PPM1H: variants seen among roughly 807,000 people sequenced by gnomAD.
PPM1H encodes the protein protein phosphatase, Mg2+/Mn2+ dependent 1H.
In PPM1H, 27 loss-of-function variants were observed where a neutral mutation model predicts 54.9. The ratio of observed to expected loss-of-function variants is 0.49; its 90% CI spans 0.36 to 0.68. PPM1H has a LOEUF of 0.68. Among genes scored for constraint, PPM1H ranks in the 30% least tolerant of loss-of-function variants. PPM1H has a pLI of 0.00. For missense variants in PPM1H, 596 were observed against 667.8 expected, an observed-to-expected ratio of 0.89 and a Z score of 1.19; for synonymous variants, 305 against 270.8, an observed-to-expected ratio of 1.13 and a Z score of -1.24.
intron 8 of PPM1H, among the ~76,000 whole-genome samples, chr12:62,682,561 G>GCAGAACTCC: frequency 6.6e-6 from 1 of 152,320 alleles, no homozygotes; most frequent in African/African-American, 2.4e-5. Flanking sequence ...GAGAGCAGTG[G>GCAGAACTCC]TGTGATCATA....
intron 5 of PPM1H, among the ~76,000 whole-genome samples, chr12:62,721,228 G>C (rs995230205): frequency 6.6e-6 from 1 of 152,216 alleles, no homozygotes; most frequent in Non-Finnish European, 1.5e-5. Context: ...TACTTTGCTA[G>C]GACCCAATGC....
At chr12:62,788,996 GA>G (rs2076689278) in intron 3 of PPM1H, among the ~76,000 whole-genome samples, 1 of 151,338 alleles carries the variant, frequency 6.6e-6, no homozygotes, top group Non-Finnish European at 1.5e-5. Context: ...AAAGTGCTGG[GA>G]TTACAGGCAT....
At chr12:62,661,392 T>C (rs1264058612) in intron 9 of PPM1H, among the ~76,000 whole-genome samples, 1 of 152,158 alleles carries the variant, frequency 6.6e-6, no homozygotes, top group African/African-American at 2.4e-5. Context: ...ACCTTGACTC[T>C]TCAGTTCCTT....
intron 6 of PPM1H, among the ~76,000 whole-genome samples, chr12:62,701,427 C>T (rs1368920652): frequency 6.6e-6 from 1 of 152,214 alleles, no homozygotes; most frequent in East Asian, 1.9e-4. Context: ...CATACTTTGT[C>T]TTTGTGGCAA....
rs61922301 is a variant in PPM1H, at chr12:62,831,730, A to T, written c.411+384T>A. On this transcript the variant is annotated intron_variant, in intron 2 of 9. Transcript: ENST00000228705. Reference sequence around the variant, plus strand: ...GTATGTGTGTGTGTGTGTGTGTGTGAGTGTGTGTGTATACGTATATATATT... The same window carrying T: ...GTATGTGTGTGTGTGTGTGTGTGTGTGTGTGTGTGTATACGTATATATATT... Among the ~76,000 whole-genome samples the T allele has an allele frequency of 3.0e-3, 414 of 137,784 alleles. 1 individual carries two copies. Among genetic ancestry groups the T allele is most frequent in the East Asian group, 0.013 (62 of 4,698 alleles). The allele number at this position is 137,784 out of a possible 152,430, so 90.4% of individuals were successfully genotyped here.
intron 1 of PPM1H, among the ~76,000 whole-genome samples, chr12:62,912,115 C>T (rs962596316): frequency 2.0e-5 from 3 of 152,072 alleles, no homozygotes; most frequent in South Asian, 2.1e-4. Flanking sequence ...GAGCCTACAA[C>T]GCAAAAAAGT....
Position 62,800,236 on chromosome 12 carries a change from C to G in PPM1H, c.756+1580G>C, listed in dbSNP as rs530893060. On this transcript the variant is annotated intron_variant, in intron 3 of 9. Transcript: ENST00000228705. ...TACCTGATGCCGTGAGATCCTGGAA[C>G]ATGCACCATGTGCCTATCCGGTTCT... 2.4e-3 allele frequency among the ~76,000 whole-genome samples: 364 copies of G among 152,320 alleles called. 3 individuals are homozygous for G. The highest frequency in any genetic ancestry group is 7.8e-3 in the African/African-American group (324 of 41,574).
At chr12:62,904,700 C>T (rs908205045) in intron 1 of PPM1H, among the ~76,000 whole-genome samples, 4 of 152,082 alleles carry the variant, frequency 2.6e-5, no homozygotes, top group Non-Finnish European at 4.4e-5. Context: ...TTTAAAGCTA[C>T]GGAGGTTGGT....
At chr12:62,786,037 T>C (rs1392681830) in intron 4 of PPM1H, among the ~76,000 whole-genome samples, 1 of 152,128 alleles carries the variant, frequency 6.6e-6, no homozygotes, top group Non-Finnish European at 1.5e-5. Flanking sequence ...AGGCACTCAG[T>C]CACTTCCTTA....
intron 1 of PPM1H, among the ~76,000 whole-genome samples, chr12:62,877,896 C>G (rs903933031): frequency 2.6e-5 from 4 of 152,084 alleles, no homozygotes; most frequent in Non-Finnish European, 4.4e-5. Context: ...GGCAGAAGCC[C>G]TCTTTATTTT....
chr12:62,848,912 C>A (rs1368345367), intron 1 of PPM1H, among the ~76,000 whole-genome samples: 1 of 150,610 alleles, frequency 6.6e-6, no homozygotes, highest in Non-Finnish European at 1.5e-5. Context: ...GGGAGTGGGA[C>A]AAGGGGGACT....
At chr12:62,776,542 G>A (rs1238800236) in intron 4 of PPM1H, among the ~76,000 whole-genome samples, 1 of 152,178 alleles carries the variant, frequency 6.6e-6, no homozygotes, top group Non-Finnish European at 1.5e-5. Flanking sequence ...GTGAAAGAAT[G>A]AAGGGCTGAA....
At chr12:62,884,285 G>C (rs534818619) in intron 1 of PPM1H, among the ~76,000 whole-genome samples, 1 of 151,054 alleles carries the variant, frequency 6.6e-6, no homozygotes, top group East Asian at 1.9e-4. Context: ...TCAAGAGTTC[G>C]AGACCAGCCT....
intron 8 of PPM1H, among the ~76,000 whole-genome samples, chr12:62,675,447 T>C (rs1222177676): frequency 6.6e-6 from 1 of 152,108 alleles, no homozygotes; most frequent in Non-Finnish European, 1.5e-5. Flanking sequence ...TCAATAATTA[T>C]TTGAAGAATA....
chr12:62,710,448 C>A (rs1234605267), intron 6 of PPM1H, among the ~76,000 whole-genome samples: 3 of 150,570 alleles, frequency 2.0e-5, no homozygotes, highest in African/African-American at 7.3e-5. Flanking sequence ...ATCAAAATCG[C>A]TTGAATCTGG....
intron 8 of PPM1H, among the ~76,000 whole-genome samples, chr12:62,668,532 C>T (rs1220696602): frequency 7.2e-5 from 11 of 152,164 alleles, no homozygotes; most frequent in African/African-American, 2.4e-4. Context: ...CATGCCACTA[C>T]ACCCAGCTAA....
At position 62,915,728 on chromosome 12, in the gene PPM1H, C is replaced by T. The variant is rs542648388; in HGVS notation, c.245+18764G>A. Among the ~76,000 whole-genome samples, 2 of 152,164 alleles carry T rather than the reference C, an allele frequency of 1.3e-5. 1 individual carries two copies. The highest frequency in any genetic ancestry group is 3.9e-4 in the East Asian group (2 of 5,182). The stretch of plus-strand genomic sequence containing the variant: ...GGTTCCAGAGGACATGCCTGGCAGA[C>T]CTAAAGAGCAGTCAAATGTTACCAG... On this transcript the variant is annotated intron_variant, in intron 1 of 9. Coordinates refer to ENST00000228705, the MANE Select transcript of PPM1H (RefSeq NM_020700.2).
At position 62,801,900 on chromosome 12, in the gene PPM1H, C is replaced by T. The variant is rs758637874; in HGVS notation, c.672G>A (p.Thr224=). 1 of 1,613,696 alleles carries T rather than the reference C, an allele frequency of 6.2e-7. No individual in the cohort carries two copies. The highest frequency in any genetic ancestry group is 1.7e-5 in the Admixed American group (1 of 59,998). The part of the protein sequence containing the change: ...GGVGAPGSPS[T]PPTRFFTEKK... ...TCTCGGTAAAGAAGCGTGTGGGGGG[C>T]GTGCTGGGGGAGCCCGGGGCCCCCA... The change falls in exon 3 of 10, where the codon ACG becomes ACA. Residue 224 remains threonine (T), a synonymous_variant. Transcript: ENST00000228705.
intron 1 of PPM1H, among the ~76,000 whole-genome samples, chr12:62,852,337 G>A (rs532332626): frequency 6.6e-5 from 10 of 151,874 alleles, no homozygotes; most frequent in African/African-American, 2.4e-4. Flanking sequence ...AAACCCCTGG[G>A]AGCTCTCTGG....
Sources: gnomAD v4.1 joint callset for allele counts (sites outside exome capture counted in the v4.1 genomes callset) on GRCh38, gnomAD v4.1.1 for gene constraint, MANE v1.5 for transcripts, NCBI Gene and HGNC (gene_info 2026-07-23, HGNC 2026-07-21) for gene names.